Variants in OR9Q1 observed in about 807,000 individuals in gnomAD.
OR9Q1 encodes olfactory receptor 9Q1.
For missense variants in OR9Q1, 374 were observed against 378.8 expected (o/e 0.99, Z 0.11); for synonymous variants, 153 against 148.6 (o/e 1.03, Z -0.22).
At chr11:58,158,988 T>C (rs1854433965) in intron 2 of OR9Q1, among the ~76,000 whole-genome samples, 3 of 152,216 alleles carry the variant, frequency 2.0e-5, no homozygotes, top group Non-Finnish European at 4.4e-5. Context: ...TTTTTGCCAG[T>C]GGGTTATGTG....
intron 2 of OR9Q1, among the ~76,000 whole-genome samples, chr11:58,173,855 CA>C (rs1365553164): frequency 3.9e-5 from 6 of 152,106 alleles, no homozygotes; most frequent in Admixed American, 2.0e-4. Flanking sequence ...TATTTGTGGG[CA>C]GACATATGAC....
intron 2 of OR9Q1, among the ~76,000 whole-genome samples, chr11:58,094,167 A>G (rs1488841224): frequency 6.6e-6 from 1 of 152,226 alleles, no homozygotes; most frequent in African/African-American, 2.4e-5. Context: ...GGAGGCCATT[A>G]TCTTAAACTA....
At chr11:58,086,232 A>G (rs917107793) in intron 2 of OR9Q1, among the ~76,000 whole-genome samples, 4 of 151,990 alleles carry the variant, frequency 2.6e-5, no homozygotes, top group Non-Finnish European at 5.9e-5. Context: ...AAAAGAAGAC[A>G]TACAAATGAC....
At chr11:58,028,355 A>T (rs1160786910) in intron 1 of OR9Q1, among the ~76,000 whole-genome samples, 1 of 152,234 alleles carries the variant, frequency 6.6e-6, no homozygotes, top group African/African-American at 2.4e-5. Context: ...TGAAGACAGG[A>T]CTATCAAACC....
chr11:58,140,946 A>G (rs1252803816), intron 2 of OR9Q1, among the ~76,000 whole-genome samples: 1 of 152,040 alleles, frequency 6.6e-6, no homozygotes, highest in Non-Finnish European at 1.5e-5. Flanking sequence ...ATTTGTTTGT[A>G]TCCTCTTTTA....
At chr11:58,142,840 G>A (rs2119872774) in intron 2 of OR9Q1, among the ~76,000 whole-genome samples, 1 of 152,224 alleles carries the variant, frequency 6.6e-6, no homozygotes, top group South Asian at 2.1e-4. Flanking sequence ...TTGTGGAATA[G>A]CTTGATTCAT....
chr11:58,086,285 G>A (rs1853633235), intron 2 of OR9Q1, among the ~76,000 whole-genome samples: 1 of 151,794 alleles, frequency 6.6e-6, no homozygotes, highest in Non-Finnish European at 1.5e-5. Flanking sequence ...TAATCATTAG[G>A]TAAATAAAAA....
intron 2 of OR9Q1, among the ~76,000 whole-genome samples, chr11:58,146,362 T>C (rs745923976): frequency 8.5e-5 from 13 of 152,192 alleles, no homozygotes; most frequent in South Asian, 4.1e-4. Flanking sequence ...GCTAGAAATA[T>C]TACCTGGGAA....
rs1264159148 is a variant in OR9Q1 at position 58,034,910 on chromosome 11, C to T, written c.-93+10806C>T. Reference sequence around the variant, plus strand: ...TGGTGCGATCTTGGCTCATTGCAACCTCCACCTCTTGGACTTAGGTAATCC... The same window carrying T: ...TGGTGCGATCTTGGCTCATTGCAACTTCCACCTCTTGGACTTAGGTAATCC... On this transcript the variant is annotated intron_variant, in intron 1 of 2. Transcript: ENST00000335397. Among the ~76,000 whole-genome samples the T allele has an allele frequency of 2.0e-5, 3 of 151,048 alleles. No individual in the cohort carries two copies. In the South Asian group the frequency reaches 6.3e-4, roughly 32 times the overall value.
chr11:58,163,950 A>C (rs894067789), intron 2 of OR9Q1, among the ~76,000 whole-genome samples: 12 of 152,232 alleles, frequency 7.9e-5, no homozygotes, highest in Non-Finnish European at 1.8e-4. Flanking sequence ...TGGAGATTGA[A>C]GAGAAACCTT....
chr11:58,093,260 T>G (rs1853700498), intron 2 of OR9Q1, among the ~76,000 whole-genome samples: 1 of 152,182 alleles, frequency 6.6e-6, no homozygotes, highest in Non-Finnish European at 1.5e-5. Flanking sequence ...ATTTACAAAC[T>G]ATGCATCTGA....
intron 1 of OR9Q1, among the ~76,000 whole-genome samples, chr11:58,035,397 T>A (rs1164164533): frequency 6.6e-6 from 1 of 152,230 alleles, no homozygotes; most frequent in Admixed American, 6.5e-5. Context: ...ATTTGATATA[T>A]AGACTGCTCC....
At chr11:58,102,250 TG>T (rs1199437364) in intron 2 of OR9Q1, among the ~76,000 whole-genome samples, 52 of 4,262 alleles carry the variant, frequency 0.012, no homozygotes, top group African/African-American at 0.016. Flanking sequence ...GTAGTTGTTT[TG>T]TATACCCTTT....
At chr11:58,099,625 A>G (rs1853765050) in intron 2 of OR9Q1, among the ~76,000 whole-genome samples, 1 of 152,064 alleles carries the variant, frequency 6.6e-6, no homozygotes, top group African/African-American at 2.4e-5. Flanking sequence ...GTCCCTTGCA[A>G]GTAGCATATA....
chr11:58,098,817 C>G (rs1354071465), intron 2 of OR9Q1, among the ~76,000 whole-genome samples: 1 of 151,978 alleles, frequency 6.6e-6, no homozygotes, highest in East Asian at 1.9e-4. Context: ...ATCATTGATT[C>G]TAGATTTTTC....
In OR9Q1 at chr11:58,167,306, G is replaced by A. The variant is rs149046823; in HGVS notation, c.-14-12125G>A. ...TCGAGTTTGTTTTTAGTACTTTTCTGTTACACAAATATATTTTAACTCTAA... is the reference window on the plus strand; with the variant it reads ...TCGAGTTTGTTTTTAGTACTTTTCTATTACACAAATATATTTTAACTCTAA... On this transcript the variant is annotated intron_variant, in intron 2 of 2. Transcript: ENST00000335397. 2.6e-5 allele frequency among the ~76,000 whole-genome samples: 4 copies of A among 151,878 alleles called. 1 individual carries two copies. The highest frequency in any genetic ancestry group is 9.7e-5 in the African/African-American group (4 of 41,392).
chr11:58,102,714 A>G (rs1414716402), intron 2 of OR9Q1, among the ~76,000 whole-genome samples: 1 of 152,100 alleles, frequency 6.6e-6, no homozygotes, highest in Non-Finnish European at 1.5e-5. Context: ...TTGACTTTTT[A>G]AAGTTTCACT....
In OR9Q1 at chr11:58,057,177, G is replaced by A. The variant is rs563489921; in HGVS notation, c.-15+1230G>A. ...CTGGTTAATTTTTGTATTTTTAGTA[G>A]AGACAGAGTTTTACCATGTTGGCCA... On this transcript the variant is annotated intron_variant, in intron 2 of 2. Transcript: ENST00000335397. 1.1e-3 allele frequency among the ~76,000 whole-genome samples: 165 copies of A among 151,998 alleles called. 1 individual carries two copies. Among genetic ancestry groups the A allele is most frequent in the African/African-American group, 3.9e-3 (161 of 41,476 alleles).
intron 2 of OR9Q1, among the ~76,000 whole-genome samples, chr11:58,056,220 C>G (rs1353392393): frequency 6.6e-6 from 1 of 152,196 alleles, no homozygotes; most frequent in Non-Finnish European, 1.5e-5. Flanking sequence ...AGTGGTTTAA[C>G]AATGACTTGC....
Sources: allele counts gnomAD v4.1 joint callset (sites outside exome capture counted in the v4.1 genomes callset), GRCh38; gene constraint gnomAD v4.1.1; transcripts MANE v1.5; gene names NCBI Gene and HGNC (gene_info 2026-07-23, HGNC 2026-07-21).